Variants in NEDD4 observed in about 807,000 individuals in gnomAD.
NEDD4 encodes NEDD4 E3 ubiquitin protein ligase.
NEDD4 carries 99 observed loss-of-function variants against 144.9 expected under a neutral mutation model. The observed-to-expected ratio is 0.68, with a 90% confidence interval of 0.58 to 0.81. The LOEUF is 0.81. Ranked by LOEUF, NEDD4 falls within the 30% of genes least tolerant of loss-of-function variation. NEDD4 has a pLI of 0.00. For missense variants in NEDD4, 985 were observed against 1,065.9 expected, an observed-to-expected ratio of 0.92 and a Z score of 1.06; for synonymous variants, 318 against 350.6, an observed-to-expected ratio of 0.91 and a Z score of 1.04.
At position 55,862,952 on chromosome 15, in the gene NEDD4, T is replaced by A; in HGVS notation, c.635A>T (p.His212Leu). 6.2e-7 allele frequency: 1 copy of A among 1,610,466 alleles called. No homozygotes were observed. The highest frequency in any genetic ancestry group is 8.5e-7 in the Non-Finnish European group (1 of 1,177,606). Reference sequence around the variant, plus strand: ...TTTCCACTGTGTTCTTCTAGATTCATGGTTTACATAATAGGTCCTTCCAAG... The same window carrying A: ...TTTCCACTGTGTTCTTCTAGATTCAAGGTTTACATAATAGGTCCTTCCAAG... ...DILGRTYYVN[H>L]ESRRTQWKRP... Residue 212 changes from histidine to leucine, a missense_variant, in exon 9 of 29, where the codon CAT becomes CTT. His to Leu is a moderately conservative substitution (Grantham distance 99). Coordinates refer to ENST00000435532, the MANE Select transcript of NEDD4 (RefSeq NM_006154.4).
Position 55,848,361 on chromosome 15 carries a change from G to A in NEDD4, c.1542+11C>T, listed in dbSNP as rs368840688. ...ACAGTCCCATCAGAGCACACTGGCA[G>A]AGAGACTTACTGGTCCAGTTATTGC... On this transcript the variant is annotated intron_variant, in intron 17 of 28. Transcript: ENST00000435532. 2 of 1,613,496 alleles carry A rather than the reference G, an allele frequency of 1.2e-6. No individual in the cohort carries two copies. The highest frequency in any genetic ancestry group is 2.7e-5 in the African/African-American group (2 of 74,928).
intron 5 of NEDD4, chr15:55,915,428 A>G (rs2036404618): frequency 6.2e-7 from 1 of 1,613,894 alleles, no homozygotes; most frequent in East Asian, 2.2e-5. Flanking sequence ...GGCTGGATAG[A>G]CAGGAAATAT....
At chr15:55,989,096 C>T (rs1234668730) in intron 1 of NEDD4, among the ~76,000 whole-genome samples, 1 of 151,958 alleles carries the variant, frequency 6.6e-6, no homozygotes. Context: ...ATTAGCTGGG[C>T]GTGGTGGTGC....
chr15:55,863,193 CAT>C (rs2034468983), intron 8 of NEDD4, 114 bp from the exon 9 acceptor site: 3 of 878,822 alleles, frequency 3.4e-6, no homozygotes, highest in Middle Eastern at 3.8e-4. Context: ...AGAAATTATG[CAT>C]AGACAGAATA....
intron 1 of NEDD4, among the ~76,000 whole-genome samples, chr15:55,984,575 T>C (rs1332516915): frequency 2.0e-5 from 3 of 152,242 alleles, no homozygotes; most frequent in African/African-American, 7.2e-5. Context: ...TTTGTTCATA[T>C]TACTCTCTTC....
chr15:55,856,094 A>G, intron 12 of NEDD4, 37 bp downstream of exon 12: 3 of 1,558,624 alleles, frequency 1.9e-6, no homozygotes, highest in Non-Finnish European at 2.7e-6. Context: ...GCTGAGTTTT[A>G]TATTTTTATT....
rs540737825 is a variant in NEDD4 at position 55,975,101 on chromosome 15, C to T, written c.46-8555G>A. On this transcript the variant is annotated intron_variant, in intron 1 of 28. Transcript: ENST00000435532. Reference sequence around the variant, plus strand: ...AGAGACAGGGTTTCACCACGTTAGCCAGGCTGGTCTCAAACTCCTGACCTC... The same window carrying T: ...AGAGACAGGGTTTCACCACGTTAGCTAGGCTGGTCTCAAACTCCTGACCTC... 3.9e-5 allele frequency among the ~76,000 whole-genome samples: 6 copies of T among 152,006 alleles called. No homozygotes were observed. The South Asian group carries it at 1.3e-3, about 32-fold the overall frequency.
At position 55,874,000 on chromosome 15, in the gene NEDD4, A is replaced by G. The variant is rs2034901441; in HGVS notation, c.300T>C (p.Asp100=). Residue 100 remains aspartate (D), a synonymous_variant, in exon 6 of 29, where the codon GAT becomes GAC. Transcript: ENST00000435532. ...EVFDENRLTR[D]DFLGQVDVPL... ...GAACATCCACTTGACCTAGGAAATC[A>G]TCTCTTGTCTATAAGAGAAGGAAGA... is the stretch of plus-strand genomic sequence containing the variant. 1.3e-6 allele frequency: 2 copies of G among 1,530,544 alleles called. No homozygotes were observed. The highest frequency in any genetic ancestry group is 1.4e-5 in the African/African-American group (1 of 72,814). 94.8% of individuals were successfully genotyped at this position (1,530,544 alleles called of 1,614,324 possible).
intron 28 of NEDD4, 62 bp downstream of exon 28, chr15:55,830,452 G>A (rs879069724): frequency 7.9e-5 from 113 of 1,428,272 alleles, no homozygotes; most frequent in Middle Eastern, 1.8e-4. Context: ...GCTGTGGCTA[G>A]ACTAACAGAG....
intron 13 of NEDD4, 129 bp downstream of exon 13, chr15:55,852,295 C>G (rs990645531): frequency 2.3e-5 from 26 of 1,124,820 alleles, no homozygotes; most frequent in Non-Finnish European, 2.9e-5. Flanking sequence ...GACTCCATCT[C>G]AAAAAAATAA....
chr15:55,868,203 C>G (rs9806179), intron 8 of NEDD4, among the ~76,000 whole-genome samples: 82,029 of 151,998 alleles, frequency 0.54, 22,422 homozygotes, highest in South Asian at 0.65. Context: ...GGTACATGGG[C>G]ATGTGAGGTA....
At chr15:55,925,121 C>T (rs2036638921) in intron 4 of NEDD4, among the ~76,000 whole-genome samples, 2 of 152,058 alleles carry the variant, frequency 1.3e-5, no homozygotes, top group Non-Finnish European at 2.9e-5. Flanking sequence ...TTTCTAATTC[C>T]GATTATTTGG....
At chr15:55,893,071 G>A (rs1595807490) in intron 5 of NEDD4, among the ~76,000 whole-genome samples, 1 of 152,200 alleles carries the variant, frequency 6.6e-6, no homozygotes, top group Middle Eastern at 3.4e-3. Context: ...GATAGAAACA[G>A]ATCTTAGTGA....
At chr15:55,949,692 G>A (rs919444515) in intron 4 of NEDD4, among the ~76,000 whole-genome samples, 11 of 152,066 alleles carry the variant, frequency 7.2e-5, no homozygotes, top group Non-Finnish European at 1.5e-5. Context: ...TCAGCAAACT[G>A]TCGCAGGGAC....
In NEDD4 at chr15:55,852,426, G is replaced by C. The variant is rs2034020375; in HGVS notation, c.1144C>G (p.Gln382Glu). Reference protein sequence around the residue: ...RTTTWTKPTVQATVETSQLTS... With the variant: ...RTTTWTKPTVEATVETSQLTS... ...CAAGTTGATAGATTACAGGATACCTGTACAGTGGGCTTTGTCCAAGTAGTC... is the reference window on the plus strand; with the variant it reads ...CAAGTTGATAGATTACAGGATACCTCTACAGTGGGCTTTGTCCAAGTAGTC... Residue 382 changes from glutamine (Q) to glutamate (E), a missense_variant and splice_region_variant, in exon 13 of 29, where the codon CAG (glutamine) becomes GAG (glutamate). Physicochemically the swap from Gln to Glu is conservative, Grantham distance 29 (BLOSUM62 2). Coordinates refer to ENST00000435532, the MANE Select transcript of NEDD4 (RefSeq NM_006154.4). 2 of 1,610,958 alleles carry C rather than the reference G, an allele frequency of 1.2e-6. No individual in the cohort carries two copies. The highest frequency in any genetic ancestry group is 1.3e-5 in the African/African-American group (1 of 74,822).
intron 4 of NEDD4, among the ~76,000 whole-genome samples, chr15:55,934,014 G>A (rs139764003): frequency 3.2e-4 from 48 of 152,300 alleles, no homozygotes; most frequent in African/African-American, 1.1e-3. Context: ...TTAGCTGGGT[G>A]TGGTGGCACA....
At chr15:55,838,786 T>C (rs1179252196) in intron 21 of NEDD4, among the ~76,000 whole-genome samples, 182 bp from the exon 22 acceptor site, 1 of 152,090 alleles carries the variant, frequency 6.6e-6, no homozygotes, top group East Asian at 1.9e-4. Flanking sequence ...CAAAAAGAGA[T>C]GGATGACAGG....
chr15:55,973,617 CAA>C (rs1387057738), intron 1 of NEDD4, among the ~76,000 whole-genome samples: 6 of 148,848 alleles, frequency 4.0e-5, no homozygotes, highest in African/African-American at 1.5e-4. Context: ...AAATCAATAA[CAA>C]GAGGAACTTG....
intron 5 of NEDD4, among the ~76,000 whole-genome samples, chr15:55,922,831 T>C (rs995211508): frequency 6.6e-6 from 1 of 152,220 alleles, no homozygotes; most frequent in Admixed American, 6.5e-5. Context: ...AATGTTCTAG[T>C]TCTTAAGCTG....
Sources: allele counts gnomAD v4.1 joint callset (sites outside exome capture counted in the v4.1 genomes callset), GRCh38; gene constraint gnomAD v4.1.1; transcripts MANE v1.5; gene names NCBI Gene and HGNC (gene_info 2026-07-23, HGNC 2026-07-21).